MYH14: variants seen among roughly 807,000 people sequenced by gnomAD.
MYH14 encodes myosin-14.
In MYH14, 123 loss-of-function variants were observed where a neutral mutation model predicts 255.5. The ratio of observed to expected loss-of-function variants is 0.48; its 90% CI spans 0.42 to 0.56. MYH14 has a LOEUF of 0.56. Among genes scored for constraint, MYH14 ranks in the 20% least tolerant of loss-of-function variants. The pLI, the probability that MYH14 is intolerant of heterozygous loss-of-function variation, is 0.00. For missense variants in MYH14, 2,423 were observed against 2,802.3 expected (o/e 0.86, Z 3.06); for synonymous variants, 1,095 against 1,161.2 (o/e 0.94, Z 1.16).
At chr19:50,215,903 C>T (rs553027796) in intron 2 of MYH14, among the ~76,000 whole-genome samples, 38 of 152,336 alleles carry the variant, frequency 2.5e-4, no homozygotes, top group Non-Finnish European at 3.8e-4. Flanking sequence ...GGTTACCCTA[C>T]TTTATCACAC....
chr19:50,240,777 A>T (rs1317931298), intron 10 of MYH14, among the ~76,000 whole-genome samples: 1 of 152,082 alleles, frequency 6.6e-6, no homozygotes, highest in Non-Finnish European at 1.5e-5. Flanking sequence ...TCTCTATTAA[A>T]AAAATAAAAT....
At chr19:50,279,747 C>T (rs879634308) in intron 30 of MYH14, among the ~76,000 whole-genome samples, 4 of 152,244 alleles carry the variant, frequency 2.6e-5, no homozygotes, top group Admixed American at 6.5e-5. Context: ...TATTGATGGA[C>T]ATTGGGGCTG....
chr19:50,292,145 G>A (rs1049936861), intron 36 of MYH14, 116 bp from the exon 37 acceptor site: 3 of 1,114,142 alleles, frequency 2.7e-6, no homozygotes, highest in Non-Finnish European at 3.7e-6. Context: ...AGGGTTCGGA[G>A]AGTTCCCTGC....
intron 10 of MYH14, among the ~76,000 whole-genome samples, chr19:50,239,455 T>C (rs2033802507): frequency 6.6e-6 from 1 of 152,232 alleles, no homozygotes; most frequent in African/African-American, 2.4e-5. Flanking sequence ...TGTATCTGGG[T>C]CTGTTTCCCT....
chr19:50,223,039 G>C (rs577908712), intron 3 of MYH14, 44 bp from the exon 4 acceptor site: 16 of 1,594,856 alleles, frequency 1.0e-5, no homozygotes, highest in Non-Finnish European at 1.4e-5. Context: ...GGCCCTGCTA[G>C]AGACTCTCTC....
chr19:50,242,421 C>T (rs8107334), intron 10 of MYH14, among the ~76,000 whole-genome samples: 30,201 of 152,084 alleles, frequency 0.2, 3,509 homozygotes, highest in African/African-American at 0.32. Context: ...GCACATCTTA[C>T]ATGGTGGCAG....
chr19:50,230,925 T>TCTCGCGCGGCTTCTCC lies in MYH14; in HGVS notation c.973+303_973+318dup, dbSNP rs1420189276. On this transcript the variant is annotated intron_variant, in intron 9 of 42. Transcript: ENST00000642316. The surrounding 1 kb of genome is among the most constrained non-coding windows in gnomAD (Gnocchi z 4.7). ...CGCTTCCGAAGCTCCGTGGCTTCTC[T>TCTCGCGCGGCTTCTCC]CTCGCGCGGCTTCTCCTCACTCCGG... The TCTCGCGCGGCTTCTCC allele has an allele frequency of 2.6e-6, 1 of 390,384 alleles. No homozygotes were observed. Among genetic ancestry groups the TCTCGCGCGGCTTCTCC allele is most frequent in the East Asian group, 5.0e-5 (1 of 20,016 alleles). The allele number at this position is 390,384 out of a possible 1,614,324, so 24.2% of individuals were successfully genotyped here.
intron 26 of MYH14, 78 bp downstream of exon 26, chr19:50,272,050 C>T: frequency 6.5e-7 from 1 of 1,543,778 alleles, no homozygotes; most frequent in Non-Finnish European, 8.8e-7. Context: ...TGCTACAGGG[C>T]CTCAGTGGCT....
chr19:50,250,590 G>A lies in MYH14; in HGVS notation c.1732G>A (p.Glu578Lys). 6.2e-7 allele frequency: 1 copy of A among 1,614,066 alleles called. No homozygotes were observed. Among genetic ancestry groups the A allele is most frequent in the Non-Finnish European group, 8.5e-7 (1 of 1,179,960 alleles). ...FPKATDKSFV[E>K]KVAQEQGGHP... ...GAAGGCCACAGACAAGTCGTTTGTGGAGAAGGTAGCCCAGGAGCAGGGCGG... is the reference window on the plus strand; with the variant it reads ...GAAGGCCACAGACAAGTCGTTTGTGAAGAAGGTAGCCCAGGAGCAGGGCGG... The change falls in exon 15 of 43, where the codon GAG becomes AAG. Residue 578 changes from glutamate (E) to lysine (K), a missense_variant. Around this residue, in one of 3 missense-constraint regions of MYH14, gnomAD observed 672 missense variants for 881.8 expected, o/e 0.76. Coordinates refer to ENST00000642316, the MANE Select transcript of MYH14 (RefSeq NM_001145809.2). The surrounding 1 kb of genome is among the most constrained non-coding windows in gnomAD (Gnocchi z 5.4).
At chr19:50,235,624 T>TA (rs547722018) in intron 10 of MYH14, among the ~76,000 whole-genome samples, 10,077 of 140,118 alleles carry the variant, frequency 0.072, 473 homozygotes, top group Admixed American at 0.12. Flanking sequence ...TACTAAAAAT[T>TA]AAAAAAAAAA....
intron 27 of MYH14, 36 bp downstream of exon 27, chr19:50,272,767 A>AT: frequency 6.5e-7 from 1 of 1,545,096 alleles, no homozygotes. Flanking sequence ...GGTAAGCAGC[A>AT]TGGGTGCACG....
chr19:50,296,874 C>T (rs999487525), intron 39 of MYH14, among the ~76,000 whole-genome samples: 4 of 79,482 alleles, frequency 5.0e-5, no homozygotes, highest in South Asian at 7.6e-4. Flanking sequence ...TCAACAGCAA[C>T]GTTTTAAAAA....
At chr19:50,222,813 C>T (rs1352275581) in intron 3 of MYH14, among the ~76,000 whole-genome samples, 2 of 152,126 alleles carry the variant, frequency 1.3e-5, no homozygotes, top group African/African-American at 4.8e-5. Context: ...TTGAATGAAT[C>T]ATATTCTCTT....
chr19:50,251,482 T>C (rs1317328894), intron 15 of MYH14, among the ~76,000 whole-genome samples: 1 of 142,304 alleles, frequency 7.0e-6, no homozygotes, highest in African/African-American at 2.7e-5. Flanking sequence ...CATATATATA[T>C]ACACACATAT....
intron 15 of MYH14, among the ~76,000 whole-genome samples, chr19:50,251,523 C>T (rs1267668168): frequency 0.062 from 1,145 of 18,394 alleles, 14 homozygotes; most frequent in African/African-American, 0.18. Flanking sequence ...ATACACACTA[C>T]ACACACACAC....
At chr19:50,275,275 C>CA (rs1045021325) in intron 27 of MYH14, among the ~76,000 whole-genome samples, 28 of 152,268 alleles carry the variant, frequency 1.8e-4, no homozygotes, top group African/African-American at 6.3e-4. Context: ...CTTCTCTTTG[C>CA]AATGACGCTG....
Position 50,272,619 on chromosome 19 carries a change from G to GAT in MYH14, c.3356_3357dup (p.Gly1120MetfsTer50). ...GCTGGAGAAGCTGAAGCGGAGGCTG[G>GAT]ATGGGGAGAGCTCAGAGCTGCAGGA... On this transcript the variant is annotated frameshift_variant, in exon 27 of 43. Transcript: ENST00000642316. 1 of 1,579,358 alleles carries GAT rather than the reference G, an allele frequency of 6.3e-7. No individual in the cohort carries two copies. Among genetic ancestry groups the GAT allele is most frequent in the Non-Finnish European group, 8.6e-7 (1 of 1,163,636 alleles).
rs370080491 is a variant in MYH14 at position 50,222,397 on chromosome 19, G to A, written c.563-686G>A. On this transcript the variant is annotated intron_variant, in intron 3 of 42. Coordinates refer to ENST00000642316, the MANE Select transcript of MYH14 (RefSeq NM_001145809.2). ...TGGGAGGTTGAGGCAGGAGAATGGC[G>A]TGAACCCGAGAGGCAGAGCTTGCAG... 1.3e-4 allele frequency among the ~76,000 whole-genome samples: 19 copies of A among 149,964 alleles called. No homozygotes were observed. The East Asian group carries it at 2.0e-3, about 16-fold the overall frequency.
At chr19:50,275,883 C>T in intron 27 of MYH14, 108 bp from the exon 28 acceptor site, 4 of 818,876 alleles carry the variant, frequency 4.9e-6, no homozygotes, top group Non-Finnish European at 3.9e-6. Flanking sequence ...GGATTCTAAC[C>T]TGGGACTGGC....
Sources: allele counts gnomAD v4.1 joint callset (sites outside exome capture counted in the v4.1 genomes callset), GRCh38; gene constraint gnomAD v4.1.1; regional missense constraint gnomAD v4.1.1; non-coding constraint Gnocchi (gnomAD v3.1); transcripts MANE v1.5; gene names NCBI Gene and HGNC (gene_info 2026-07-23, HGNC 2026-07-21).